Variants in EGFR observed in about 807,000 individuals in gnomAD.
EGFR encodes the protein epidermal growth factor receptor, also known as avian erythroblastic leukemia viral (v-erb-b) oncogene homolog.
EGFR carries 58 observed loss-of-function variants against 143.0 expected under a neutral mutation model. The ratio of observed to expected loss-of-function variants is 0.41; its 90% CI spans 0.33 to 0.50. The LOEUF (loss-of-function observed/expected upper bound fraction) is 0.50. Ranked by LOEUF, EGFR falls within the 20% of genes least tolerant of loss-of-function variation. The pLI, the probability that EGFR is intolerant of heterozygous loss-of-function variation, is 0.39. For synonymous variants in EGFR, 613 were observed against 594.4 expected (o/e 1.03, Z -0.45); for missense variants, 1,307 against 1,579.0 (o/e 0.83, Z 2.92).
chr7:55,143,259 G>C (rs2128927057), intron 2 of EGFR, 46 bp from the exon 3 acceptor site: 1 of 1,611,488 alleles, frequency 6.2e-7, no homozygotes, highest in South Asian at 1.1e-5. Context: ...TTGAGTTCTT[G>C]AGTTCCTCAA....
At chr7:55,204,521 A>C (rs1788019848) in intron 27 of EGFR, among the ~76,000 whole-genome samples, 1 of 143,266 alleles carries the variant, frequency 7.0e-6, no homozygotes, top group African/African-American at 2.7e-5. Flanking sequence ...AAACATATAC[A>C]CCCCACACAT....
At chr7:55,161,422 C>T (rs1785694706) in intron 12 of EGFR, 77 bp from the exon 13 acceptor site, 4 of 1,540,892 alleles carry the variant, frequency 2.6e-6, no homozygotes, top group Non-Finnish European at 3.5e-6. Flanking sequence ...GGGCCCCTCC[C>T]GGGAAGGTGC....
In EGFR at chr7:55,144,854, G is replaced by A. The variant is rs114470718; in HGVS notation, c.424+1366G>A. 4.1e-3 allele frequency among the ~76,000 whole-genome samples: 620 copies of A among 152,262 alleles called. 3 individuals are homozygous for A. Among genetic ancestry groups the A allele is most frequent in the African/African-American group, 0.013 (551 of 41,552 alleles). ...CGGGAGCACATTCTCCAATCCCTCC[G>A]TGTCTCTGTTTCGTCATCTTCAAAA... is the stretch of plus-strand genomic sequence containing the variant. On this transcript the variant is annotated intron_variant, in intron 3 of 27. Coordinates refer to ENST00000275493, the MANE Select transcript of EGFR (RefSeq NM_005228.5).
intron 19 of EGFR, among the ~76,000 whole-genome samples, chr7:55,178,875 C>G (rs1396726324): frequency 6.6e-6 from 1 of 152,172 alleles, no homozygotes; most frequent in East Asian, 1.9e-4. Flanking sequence ...TGCAAGTGGC[C>G]TGGACTTTGA....
At chr7:55,090,084 T>C (rs1791018927) in intron 1 of EGFR, among the ~76,000 whole-genome samples, 1 of 152,106 alleles carries the variant, frequency 6.6e-6, no homozygotes, top group South Asian at 2.1e-4. Context: ...TTCTCCTGCC[T>C]CAGCCTCCTC....
At chr7:55,079,209 G>A (rs1465118900) in intron 1 of EGFR, among the ~76,000 whole-genome samples, 1 of 152,184 alleles carries the variant, frequency 6.6e-6, no homozygotes, top group Non-Finnish European at 1.5e-5. Flanking sequence ...AGATGGGGAA[G>A]GAAAGGTCAG....
At chr7:55,167,131 GCGA>G (rs1786071673) in intron 15 of EGFR, among the ~76,000 whole-genome samples, 7 of 138,086 alleles carry the variant, frequency 5.1e-5, no homozygotes, top group African/African-American at 2.0e-4. Flanking sequence ...GTTGATGGTG[GCGA>G]TGGTGATGAG....
chr7:55,052,920 G>A (rs1240486764), intron 1 of EGFR, among the ~76,000 whole-genome samples: 1 of 152,120 alleles, frequency 6.6e-6, no homozygotes, highest in Non-Finnish European at 1.5e-5. Context: ...ATCCAAGCAG[G>A]TCGACTCTCT....
chr7:55,149,429 T>G (rs565795178), intron 4 of EGFR, among the ~76,000 whole-genome samples: 34 of 152,182 alleles, frequency 2.2e-4, no homozygotes, highest in African/African-American at 7.7e-4. Flanking sequence ...AAGTAAAATG[T>G]TATTTCTAAT....
rs576698778 is a variant in EGFR, at chr7:55,113,229, A to G, written c.89-29057A>G. Among the ~76,000 whole-genome samples the G allele has an allele frequency of 2.1e-3, 326 of 152,344 alleles. 1 individual carries two copies. The highest frequency in any genetic ancestry group is 7.0e-3 in the African/African-American group (289 of 41,572). On this transcript the variant is annotated intron_variant, in intron 1 of 27. Coordinates refer to ENST00000275493, the MANE Select transcript of EGFR (RefSeq NM_005228.5). Reference sequence around the variant, plus strand: ...AACAACTCCCTTCCCTAAACATTCTAGTAATGACCCAACACTGCCAAGCCT... The same window carrying G: ...AACAACTCCCTTCCCTAAACATTCTGGTAATGACCCAACACTGCCAAGCCT...
chr7:55,086,367 TGAAGAAAA>T (rs754626480), intron 1 of EGFR, among the ~76,000 whole-genome samples: 2 of 150,698 alleles, frequency 1.3e-5, no homozygotes, highest in African/African-American at 4.9e-5. Context: ...CCTTTCCCTT[TGAAGAAAA>T]AAGCCCTGGA....
chr7:55,068,512 A>T (rs1161768941), intron 1 of EGFR, among the ~76,000 whole-genome samples: 3 of 152,190 alleles, frequency 2.0e-5, no homozygotes, highest in Non-Finnish European at 2.9e-5. Flanking sequence ...AACAAGGTCA[A>T]TGCGAAGATT....
At chr7:55,032,428 G>T (rs141870937) in intron 1 of EGFR, among the ~76,000 whole-genome samples, 1 of 152,176 alleles carries the variant, frequency 6.6e-6, no homozygotes, top group Non-Finnish European at 1.5e-5. Context: ...GTTTGCTCCC[G>T]TGAATTTTCA....
In EGFR at chr7:55,066,055, G is replaced by A. The variant is rs563806157; in HGVS notation, c.88+46690G>A. ...TCCTCGCAGTGACTACGTGATGAAA[G>A]TACCATGCAGAGGAGGTGTCTGACT... On this transcript the variant is annotated intron_variant, in intron 1 of 27. Transcript: ENST00000275493. Among the ~76,000 whole-genome samples the A allele has an allele frequency of 1.3e-4, 20 of 152,248 alleles. No homozygotes were observed. In the East Asian group the frequency reaches 3.5e-3, roughly 26 times the overall value.
rs727504263 is a variant in EGFR at position 55,181,305 on chromosome 7, A to ATGGCCAGCG, written c.2300_2308dup (p.Ala767_Val769dup). ...TCCCTCCCTCCAGGAAGCCTACGTGATGGCCAGCGTGGACAACCCCCACGT... is the reference window on the plus strand; with the variant it reads ...TCCCTCCCTCCAGGAAGCCTACGTGATGGCCAGCGTGGCCAGCGTGGACAACCCCCACGT... On this transcript the variant is annotated inframe_insertion, in exon 20 of 28. Transcript: ENST00000275493. 1 of 1,614,040 alleles carries ATGGCCAGCG rather than the reference A, an allele frequency of 6.2e-7. No individual in the cohort carries two copies. The highest frequency in any genetic ancestry group is 8.5e-7 in the Non-Finnish European group (1 of 1,180,050).
At chr7:55,167,689 G>C (rs1230843171) in intron 15 of EGFR, among the ~76,000 whole-genome samples, 1 of 151,710 alleles carries the variant, frequency 6.6e-6, no homozygotes, top group African/African-American at 2.4e-5. Context: ...GGAAGTCACG[G>C]TGGTGGCGAT....
intron 1 of EGFR, among the ~76,000 whole-genome samples, chr7:55,132,056 T>C (rs1793874790): frequency 6.6e-6 from 1 of 152,012 alleles, no homozygotes; most frequent in African/African-American, 2.4e-5. Flanking sequence ...GGGGCTTTTA[T>C]GCTTTTTTCC....
In EGFR at chr7:55,206,991, A is replaced by T. The variant is rs1409513550; in HGVS notation, c.*1374A>T. The T allele has an allele frequency of 4.3e-6, 1 of 232,996 alleles. No individual in the cohort carries two copies. The highest frequency in any genetic ancestry group is 8.5e-6 in the Non-Finnish European group (1 of 117,972). 14.4% of individuals were successfully genotyped at this position (232,996 alleles called of 1,614,324 possible). On this transcript the variant is annotated 3_prime_UTR_variant, in exon 28 of 28. Coordinates refer to ENST00000275493, the MANE Select transcript of EGFR (RefSeq NM_005228.5). ...TTAGAAGGAAAAAAGTTCCTTCCTA[A>T]AATAATTTCTCTACAATTGGAAGAT...
chr7:55,088,413 A>T (rs1289393405), intron 1 of EGFR, among the ~76,000 whole-genome samples: 1 of 152,212 alleles, frequency 6.6e-6, no homozygotes, highest in Admixed American at 6.5e-5. Context: ...GGAACTTCCC[A>T]GTCTGCAGTT....
Sources: gnomAD v4.1 joint callset for allele counts (sites outside exome capture counted in the v4.1 genomes callset) on GRCh38, gnomAD v4.1.1 for gene constraint, MANE v1.5 for transcripts, NCBI Gene and HGNC (gene_info 2026-07-23, HGNC 2026-07-21) for gene names.